TEAD1: variants seen among roughly 807,000 people sequenced by gnomAD.
TEAD1 encodes TEA domain transcription factor 1.
Under a neutral mutation model 54.9 loss-of-function variants are expected in TEAD1, and 9 were observed. The ratio of observed to expected loss-of-function variants is 0.16; its 90% CI spans 0.10 to 0.29. TEAD1 has a LOEUF of 0.29. TEAD1 is among the 10% of genes least tolerant of loss of function. The pLI, the probability that TEAD1 is intolerant of heterozygous loss-of-function variation, is 1.00. For synonymous variants in TEAD1, 200 were observed against 187.8 expected (o/e 1.07, Z -0.53); for missense variants, 387 against 535.9 (o/e 0.72, Z 2.74).
intron 3 of TEAD1, among the ~76,000 whole-genome samples, chr11:12,809,201 G>A (rs772435497): frequency 2.6e-5 from 4 of 152,226 alleles, no homozygotes; most frequent in South Asian, 2.1e-4. Flanking sequence ...TGAAGGGAGA[G>A]CAGTGGACAC....
intron 5 of TEAD1, 128 bp downstream of exon 5, chr11:12,865,028 C>T: frequency 9.6e-7 from 1 of 1,041,608 alleles, no homozygotes; most frequent in Non-Finnish European, 1.5e-6. Context: ...GAGCTGTTTA[C>T]ATTTCTTTGT....
chr11:12,895,767 C>CCA (rs924752339), intron 9 of TEAD1, among the ~76,000 whole-genome samples: 7 of 152,198 alleles, frequency 4.6e-5, no homozygotes, highest in Admixed American at 6.5e-5. Flanking sequence ...TTTTTGGGGA[C>CCA]CATTGCTTGC....
chr11:12,917,766 T>C (rs1012756464), intron 10 of TEAD1, among the ~76,000 whole-genome samples: 1 of 152,178 alleles, frequency 6.6e-6, no homozygotes, highest in African/African-American at 2.4e-5. Context: ...GGTCTCTGTT[T>C]CTAGAGCAAA....
intron 2 of TEAD1, among the ~76,000 whole-genome samples, chr11:12,713,234 A>G (rs1413498822): frequency 6.6e-6 from 1 of 152,066 alleles, no homozygotes; most frequent in Non-Finnish European, 1.5e-5. Flanking sequence ...TGCCCAGGAT[A>G]GTCTCAAACA....
intron 3 of TEAD1, among the ~76,000 whole-genome samples, chr11:12,859,664 G>A (rs1168542190): frequency 2.0e-5 from 3 of 152,226 alleles, no homozygotes; most frequent in African/African-American, 7.2e-5. Flanking sequence ...TGAATTTAGA[G>A]GTTCTTGTCC....
At chr11:12,730,713 T>TTC (rs948542119) in intron 2 of TEAD1, among the ~76,000 whole-genome samples, 1 of 144,580 alleles carries the variant, frequency 6.9e-6, no homozygotes, top group Non-Finnish European at 1.5e-5. Flanking sequence ...TTTTTTTTTT[T>TTC]TTTTGGAGAT....
At chr11:12,803,763 C>T (rs1298957612) in intron 3 of TEAD1, among the ~76,000 whole-genome samples, 1 of 152,208 alleles carries the variant, frequency 6.6e-6, no homozygotes, top group African/African-American at 2.4e-5. Context: ...CTGTATCCTT[C>T]ACAGCAAACC....
At position 12,764,305 on chromosome 11, in the gene TEAD1, A is replaced by G; in HGVS notation, c.73A>G (p.Lys25Glu). The change falls in exon 3 of 13, where the codon AAG becomes GAG. Residue 25 changes from lysine (K) to glutamate (E), a missense_variant. Physicochemically the swap from Lys to Glu is moderately conservative, Grantham distance 56 (BLOSUM62 1). Around this residue, in one of 5 missense-constraint regions of TEAD1, gnomAD observed 55 missense variants for 50.4 expected, o/e 1.09. Transcript: ENST00000527636. Reference sequence around the variant, plus strand: ...GGAAAGGATGAGTGACTCTGCAGATAAGCCAATTGACAATGATGCAGAAGG... The same window carrying G: ...GGAAAGGATGAGTGACTCTGCAGATGAGCCAATTGACAATGATGCAGAAGG... 3 of 1,614,220 alleles carry G rather than the reference A, an allele frequency of 1.9e-6. No individual in the cohort carries two copies. Among genetic ancestry groups the G allele is most frequent in the Non-Finnish European group, 2.5e-6 (3 of 1,180,014 alleles).
At chr11:12,676,406 A>G (rs1214163989) in intron 2 of TEAD1, among the ~76,000 whole-genome samples, 1 of 152,174 alleles carries the variant, frequency 6.6e-6, no homozygotes, top group East Asian at 1.9e-4. Flanking sequence ...GCTGCAGTGA[A>G]TCTTGCTGGT....
At chr11:12,769,729 T>G (rs1276915202) in intron 3 of TEAD1, among the ~76,000 whole-genome samples, 4 of 152,158 alleles carry the variant, frequency 2.6e-5, no homozygotes, top group African/African-American at 9.7e-5. Flanking sequence ...GACCTCTGAT[T>G]CAGGGTGTTA....
chr11:12,852,318 A>ACC lies in TEAD1; in HGVS notation c.203-9932_203-9931insCC, dbSNP rs1260837621. ...GGCAACATAACTAGATGTGGAGGTG[A>ACC]AAGAAAAGACAAATGCCTGCAAGAT... is the stretch of plus-strand genomic sequence containing the variant. On this transcript the variant is annotated intron_variant, in intron 3 of 12. Transcript: ENST00000527636. 4.1e-4 allele frequency among the ~76,000 whole-genome samples: 63 copies of ACC among 152,284 alleles called. 1 individual carries two copies. Among genetic ancestry groups the ACC allele is most frequent in the African/African-American group, 1.5e-3 (61 of 41,562 alleles).
At chr11:12,922,998 G>A (rs1325325246) in intron 10 of TEAD1, 3 of 148,312 alleles carry the variant, frequency 2.0e-5, no homozygotes, top group East Asian at 2.0e-4. Flanking sequence ...TCAGATCCAC[G>A]TACCTCTGCT....
intron 2 of TEAD1, among the ~76,000 whole-genome samples, chr11:12,748,375 A>G (rs2133902356): frequency 6.6e-6 from 1 of 152,312 alleles, no homozygotes. Context: ...GGAGTGGAGT[A>G]GGTGGCCGGC....
chr11:12,874,391 T>C (rs1387280723), intron 5 of TEAD1, among the ~76,000 whole-genome samples: 1 of 152,244 alleles, frequency 6.6e-6, no homozygotes, highest in Non-Finnish European at 1.5e-5. Context: ...TTTGTGATAT[T>C]GCTGTCCTCC....
At chr11:12,768,898 C>G (rs761635481) in intron 3 of TEAD1, among the ~76,000 whole-genome samples, 3 of 152,186 alleles carry the variant, frequency 2.0e-5, no homozygotes, top group Non-Finnish European at 4.4e-5. Context: ...GAAGCCTATT[C>G]TTGGCTACCA....
chr11:12,805,886 T>A (rs560790484), intron 3 of TEAD1, among the ~76,000 whole-genome samples: 2 of 152,214 alleles, frequency 1.3e-5, no homozygotes, highest in Non-Finnish European at 2.9e-5. Flanking sequence ...TTATGATGTT[T>A]CTTTTATTTT....
At chr11:12,798,656 G>A (rs1945987581) in intron 3 of TEAD1, among the ~76,000 whole-genome samples, 1 of 152,348 alleles carries the variant, frequency 6.6e-6, no homozygotes, top group Admixed American at 6.5e-5. Flanking sequence ...TGCCAGAAGT[G>A]AAGTTCTCAT....
intron 2 of TEAD1, among the ~76,000 whole-genome samples, chr11:12,752,367 A>G (rs778036023): frequency 4.6e-5 from 7 of 152,190 alleles, no homozygotes; most frequent in South Asian, 2.1e-4. Context: ...CCATTGATCT[A>G]TTGATCTGCA....
intron 3 of TEAD1, among the ~76,000 whole-genome samples, chr11:12,785,068 G>T (rs985096755): frequency 6.6e-6 from 1 of 152,186 alleles, no homozygotes; most frequent in Non-Finnish European, 1.5e-5. Flanking sequence ...TCAGATCAAA[G>T]ACTGACTCTT....
Sources: gnomAD v4.1 joint callset for allele counts (sites outside exome capture counted in the v4.1 genomes callset) on GRCh38, gnomAD v4.1.1 for gene constraint, gnomAD v4.1.1 regional missense constraint, MANE v1.5 for transcripts, NCBI Gene and HGNC (gene_info 2026-07-23, HGNC 2026-07-21) for gene names.